Variants in ARID5B observed in about 807,000 individuals in gnomAD.
ARID5B encodes the protein AT-rich interactive domain-containing protein 5B.
In ARID5B, 13 loss-of-function variants were observed where a neutral mutation model predicts 97.2. That is an observed-to-expected ratio of 0.13 (90% confidence interval 0.09 to 0.21). The LOEUF is 0.21. ARID5B is among the 10% of genes least tolerant of loss of function. The probability of loss-of-function intolerance (pLI) is 1.00; values close to 1 mark genes in which losing one functional copy is unlikely to be tolerated. For missense variants in ARID5B, 1,210 were observed against 1,465.3 expected (o/e 0.83, Z 2.84); for synonymous variants, 556 against 570.3 (o/e 0.97, Z 0.36).
chr10:62,076,807 C>T (rs1054448642), intron 8 of ARID5B, among the ~76,000 whole-genome samples: 2 of 152,060 alleles, frequency 1.3e-5, no homozygotes, highest in Non-Finnish European at 2.9e-5. Flanking sequence ...TCCTAAGGTG[C>T]GGTGGGTAGA....
chr10:61,936,860 A>G (rs916294758), intron 2 of ARID5B, among the ~76,000 whole-genome samples: 10 of 136,672 alleles, frequency 7.3e-5, no homozygotes, highest in African/African-American at 2.2e-4. Flanking sequence ...AAAAAAAAAA[A>G]AAAGAAAGAA....
rs374089244 is a variant in ARID5B, at chr10:62,091,855, G to A, written c.2392G>A (p.Asp798Asn). The change falls in exon 10 of 10, where the codon GAC becomes AAC. Residue 798 changes from aspartate to asparagine, a missense_variant. By Grantham distance (23) the Asp-to-Asn change is conservative. Transcript: ENST00000279873. The stretch of plus-strand genomic sequence containing the variant: ...CAAGCATCACCTTAACCCCCTTGCT[G>A]ACTCCTACGTCCTGAAGCAAGAAAT... ...FSKHHLNPLA[D>N]SYVLKQEIQE... 2.6e-4 allele frequency: 414 copies of A among 1,613,960 alleles called. No homozygotes were observed. The highest frequency in any genetic ancestry group is 3.3e-4 in the Non-Finnish European group (390 of 1,180,024).
At chr10:61,965,646 G>A (rs1236929785) in intron 3 of ARID5B, among the ~76,000 whole-genome samples, 2 of 152,066 alleles carry the variant, frequency 1.3e-5, no homozygotes. Context: ...AATAAAAATG[G>A]CTTTTTTGAG....
intron 4 of ARID5B, among the ~76,000 whole-genome samples, chr10:62,045,299 G>A (rs1478877731): frequency 2.0e-5 from 3 of 151,998 alleles, no homozygotes; most frequent in Admixed American, 6.5e-5. Context: ...AAAAACATTC[G>A]TTCTATTTTT....
intron 3 of ARID5B, among the ~76,000 whole-genome samples, chr10:61,987,020 A>G (rs1006071701): frequency 1.3e-5 from 2 of 152,222 alleles, no homozygotes; most frequent in Admixed American, 1.3e-4. Context: ...GTAAGAAGCA[A>G]GAGGAAGACA....
intron 4 of ARID5B, among the ~76,000 whole-genome samples, chr10:62,038,012 GA>G (rs1490092155): frequency 6.6e-6 from 1 of 152,112 alleles, no homozygotes; most frequent in African/African-American, 2.4e-5. Context: ...ACATAAAAGA[GA>G]AAAATGGTAC....
Position 62,039,813 on chromosome 10 carries a change from T to C in ARID5B, c.734-11075T>C, listed in dbSNP as rs575246567. On this transcript the variant is annotated intron_variant, in intron 4 of 9. Transcript: ENST00000279873. ...TGGAATGCCAGTCTTCAATGAATAA[T>C]CTCATATTTTGTCATAAATGGGACC... Among the ~76,000 whole-genome samples the C allele has an allele frequency of 8.3e-4, 126 of 152,368 alleles. 2 individuals are homozygous for C. In the South Asian group the frequency reaches 0.011, roughly 13 times the overall value.
intron 2 of ARID5B, among the ~76,000 whole-genome samples, chr10:61,932,815 T>G (rs977691223): frequency 2.6e-5 from 4 of 152,200 alleles, no homozygotes. Context: ...CTGAACTTTT[T>G]GTGGTCATTT....
chr10:61,919,323 C>T (rs568123926), intron 2 of ARID5B, among the ~76,000 whole-genome samples: 1 of 152,278 alleles, frequency 6.6e-6, no homozygotes, highest in East Asian at 1.9e-4. Flanking sequence ...AAAAACACCC[C>T]TAACTTGAAA....
At chr10:61,913,126 A>G (rs539346065) in intron 2 of ARID5B, among the ~76,000 whole-genome samples, 1 of 152,316 alleles carries the variant, frequency 6.6e-6, no homozygotes, top group East Asian at 1.9e-4. Context: ...CGCTGGTGAT[A>G]CAAGGCAAAA....
At position 61,957,120 on chromosome 10, in the gene ARID5B, C is replaced by T. The variant is rs142346556; in HGVS notation, c.502+16712C>T. ...GCTCTGCTGTCCAGTATGATAGCTACTAGCCACAAATAGCTATTGGGCATC... is the reference window on the plus strand; with the variant it reads ...GCTCTGCTGTCCAGTATGATAGCTATTAGCCACAAATAGCTATTGGGCATC... On this transcript the variant is annotated intron_variant, in intron 3 of 9. Transcript: ENST00000279873. Among the ~76,000 whole-genome samples, 1,296 of 152,292 alleles carry T rather than the reference C, an allele frequency of 8.5e-3. 19 individuals carry two copies. Among genetic ancestry groups the T allele is most frequent in the Non-Finnish European group, 7.6e-3 (514 of 68,030 alleles).
intron 7 of ARID5B, among the ~76,000 whole-genome samples, chr10:62,063,891 A>G (rs1839953985): frequency 6.6e-6 from 1 of 152,224 alleles, no homozygotes; most frequent in South Asian, 2.1e-4. Flanking sequence ...ACCAGGATGC[A>G]GCATATGGCG....
chr10:61,986,263 G>A (rs1838845735), intron 3 of ARID5B, among the ~76,000 whole-genome samples: 2 of 152,112 alleles, frequency 1.3e-5, no homozygotes, highest in Admixed American at 6.5e-5. Context: ...GTATAAAATG[G>A]GACTATTCTT....
intron 4 of ARID5B, among the ~76,000 whole-genome samples, chr10:62,027,285 C>CTTTTTTTTTTTTTTTTTTT (rs777291593): frequency 3.0e-5 from 2 of 67,406 alleles, no homozygotes; most frequent in Non-Finnish European, 2.7e-5. Context: ...ACAGTATCTC[C>CTTTTTTTTTTTTTTTTTTT]TTTTTTTTTT....
intron 3 of ARID5B, among the ~76,000 whole-genome samples, chr10:61,963,058 GACTCA>G (rs1315689594): frequency 1.3e-5 from 2 of 152,106 alleles, no homozygotes. Flanking sequence ...TCTACCAATG[GACTCA>G]ACTCAACTAA....
At chr10:61,943,064 T>G (rs1288136454) in intron 3 of ARID5B, among the ~76,000 whole-genome samples, 1 of 152,154 alleles carries the variant, frequency 6.6e-6, no homozygotes, top group Non-Finnish European at 1.5e-5. Flanking sequence ...TTGAGACAAA[T>G]AGCTTTTGTA....
At chr10:61,931,164 A>G (rs1183502254) in intron 2 of ARID5B, among the ~76,000 whole-genome samples, 3 of 152,206 alleles carry the variant, frequency 2.0e-5, no homozygotes, top group South Asian at 2.1e-4. Context: ...CGGACTCAGG[A>G]CCCTTTACAC....
At chr10:62,009,296 A>G (rs539067434) in intron 4 of ARID5B, among the ~76,000 whole-genome samples, 20 of 152,322 alleles carry the variant, frequency 1.3e-4, no homozygotes, top group African/African-American at 4.6e-4. Context: ...TGTGTTCAGC[A>G]GAAGAAGATT....
In ARID5B at chr10:61,966,660, A is replaced by T. The variant is rs927664433; in HGVS notation, c.502+26252A>T. Among the ~76,000 whole-genome samples the T allele has an allele frequency of 4.6e-5, 7 of 152,114 alleles. No homozygotes were observed. The East Asian group carries it at 1.3e-3, about 29-fold the overall frequency. ...CCATAAGATGAGGGTATAAACTCTT[A>T]TCCCACATGAAAGTCCTTCAGATAC... On this transcript the variant is annotated intron_variant, in intron 3 of 9. Transcript: ENST00000279873.
Sources: allele counts gnomAD v4.1 joint callset (sites outside exome capture counted in the v4.1 genomes callset), GRCh38; gene constraint gnomAD v4.1.1; transcripts MANE v1.5; gene names NCBI Gene and HGNC (gene_info 2026-07-23, HGNC 2026-07-21).